The following NXPH1 variants were observed in gnomAD, a reference collection of about 807,000 sequenced individuals.
NXPH1 encodes the protein neurexophilin-1.
A neutral mutation model predicts 23.7 loss-of-function variants in NXPH1; 5 were observed. The ratio of observed to expected loss-of-function variants is 0.21; its 90% confidence interval spans 0.11 to 0.44. The LOEUF is 0.44. NXPH1 is among the 20% of genes least tolerant of loss of function. The pLI is 0.99. For synonymous variants in NXPH1, 144 were observed against 122.2 expected (o/e 1.18, Z -1.18); for missense variants, 324 against 321.6 (o/e 1.01, Z -0.06).
chr7:8,443,757 G>A (rs1816348047), intron 2 of NXPH1, among the ~76,000 whole-genome samples: 1 of 152,326 alleles, frequency 6.6e-6, no homozygotes, highest in East Asian at 1.9e-4. Flanking sequence ...GGTTAGGCTC[G>A]CCAGCGTGGG....
intron 2 of NXPH1, among the ~76,000 whole-genome samples, chr7:8,693,011 A>G (rs1056694129): frequency 3.3e-5 from 5 of 152,162 alleles, no homozygotes; most frequent in Non-Finnish European, 7.3e-5. Context: ...TTGATTAAAT[A>G]TTTAGAAGGA....
chr7:8,499,999 C>G (rs149695620), intron 2 of NXPH1, among the ~76,000 whole-genome samples: 1 of 152,216 alleles, frequency 6.6e-6, no homozygotes, highest in East Asian at 1.9e-4. Flanking sequence ...ATTCTGTGTA[C>G]TATAAAGCGA....
chr7:8,668,001 TG>T (rs1172658811), intron 2 of NXPH1, among the ~76,000 whole-genome samples: 2 of 152,042 alleles, frequency 1.3e-5, no homozygotes, highest in African/African-American at 4.8e-5. Context: ...TTGTTGTTGT[TG>T]TTGTTGTTTA....
intron 2 of NXPH1, among the ~76,000 whole-genome samples, chr7:8,695,302 C>T (rs1023264963): frequency 1.4e-4 from 21 of 152,090 alleles, no homozygotes; most frequent in Admixed American, 3.9e-4. Context: ...GCACAGGTGG[C>T]GAAACTGAGG....
rs545104088 is a variant in NXPH1 at position 8,655,835 on chromosome 7, TC to T, written c.55-95170del. On this transcript the variant is annotated intron_variant, in intron 2 of 2. Transcript: ENST00000405863. Reference sequence around the variant, plus strand: ...GGGAAATGTGACAAAGTTTTCAAGGTCCCTTTCATATATCAACTCCTCTGAA... The same window carrying T: ...GGGAAATGTGACAAAGTTTTCAAGGTCCTTTCATATATCAACTCCTCTGAA... 1.4e-3 allele frequency among the ~76,000 whole-genome samples: 220 copies of T among 152,274 alleles called. 3 individuals are homozygous for T. The highest frequency in any genetic ancestry group is 4.9e-3 in the African/African-American group (204 of 41,542).
chr7:8,670,246 G>T (rs1820848341), intron 2 of NXPH1, among the ~76,000 whole-genome samples: 1 of 152,088 alleles, frequency 6.6e-6, no homozygotes, highest in African/African-American at 2.4e-5. Context: ...TTGAGGTAGT[G>T]TCCTTTGCTT....
intron 2 of NXPH1, among the ~76,000 whole-genome samples, chr7:8,591,211 C>T (rs929223845): frequency 6.6e-6 from 1 of 151,998 alleles, no homozygotes; most frequent in Non-Finnish European, 1.5e-5. Context: ...GTGTTTTCTT[C>T]GACCCTCACA....
At chr7:8,504,662 G>T (rs577111405) in intron 2 of NXPH1, among the ~76,000 whole-genome samples, 19 of 152,164 alleles carry the variant, frequency 1.2e-4, no homozygotes, top group African/African-American at 3.4e-4. Context: ...GAATGTTTGT[G>T]TTGCAATCCT....
intron 2 of NXPH1, among the ~76,000 whole-genome samples, chr7:8,592,412 T>C (rs1255571354): frequency 1.3e-5 from 2 of 152,008 alleles, no homozygotes; most frequent in Non-Finnish European, 2.9e-5. Context: ...CATATTTCCA[T>C]TTTGTAGGGG....
chr7:8,582,081 C>T (rs1818887116), intron 2 of NXPH1, among the ~76,000 whole-genome samples: 1 of 152,184 alleles, frequency 6.6e-6, no homozygotes, highest in African/African-American at 2.4e-5. Context: ...CGGGCACCAG[C>T]ACAGGTGCTG....
At chr7:8,681,078 C>G (rs985741912) in intron 2 of NXPH1, among the ~76,000 whole-genome samples, 1 of 152,220 alleles carries the variant, frequency 6.6e-6, no homozygotes, top group African/African-American at 2.4e-5. Context: ...GTACAGTGCT[C>G]CTCTCCTAGA....
At chr7:8,443,329 C>G (rs545041018) in intron 2 of NXPH1, among the ~76,000 whole-genome samples, 3 of 152,262 alleles carry the variant, frequency 2.0e-5, no homozygotes, top group Non-Finnish European at 4.4e-5. Flanking sequence ...CATTCTTTCA[C>G]AGTTCATTAA....
At chr7:8,656,684 C>T (rs1177600004) in intron 2 of NXPH1, among the ~76,000 whole-genome samples, 1 of 151,702 alleles carries the variant, frequency 6.6e-6, no homozygotes, top group South Asian at 2.1e-4. Flanking sequence ...CCAATGCTAT[C>T]CCTCCCCGCT....
chr7:8,621,866 C>T (rs1200238856), intron 2 of NXPH1, among the ~76,000 whole-genome samples: 1 of 152,042 alleles, frequency 6.6e-6, no homozygotes, highest in African/African-American at 2.4e-5. Context: ...TTGTACCTAC[C>T]AACCAACCCT....
chr7:8,621,519 C>T (rs1196553391), intron 2 of NXPH1, among the ~76,000 whole-genome samples: 1 of 144,912 alleles, frequency 6.9e-6, no homozygotes, highest in Non-Finnish European at 1.5e-5. Flanking sequence ...TGAAGTTTCA[C>T]TCTTGTTGCC....
intron 2 of NXPH1, among the ~76,000 whole-genome samples, chr7:8,671,890 A>G (rs2115170179): frequency 6.6e-6 from 1 of 152,304 alleles, no homozygotes; most frequent in East Asian, 1.9e-4. Context: ...GGCTGTATAA[A>G]TGTCTTCTTT....
At chr7:8,726,214 T>C (rs942848300) in intron 2 of NXPH1, among the ~76,000 whole-genome samples, 10 of 152,098 alleles carry the variant, frequency 6.6e-5, no homozygotes, top group African/African-American at 2.4e-4. Context: ...TACAAATGTC[T>C]TACATATACT....
intron 2 of NXPH1, among the ~76,000 whole-genome samples, chr7:8,486,777 TTCTC>T (rs1235184248): frequency 2.0e-5 from 3 of 152,300 alleles, no homozygotes; most frequent in East Asian, 3.9e-4. Context: ...TGGTGTGCAG[TTCTC>T]TCTATCTGGA....
intron 2 of NXPH1, among the ~76,000 whole-genome samples, chr7:8,502,369 C>A (rs927133928): frequency 4.0e-5 from 6 of 151,700 alleles, no homozygotes; most frequent in African/African-American, 1.5e-4. Context: ...ATATTTATTT[C>A]TTTTTTTTCC....
Sources: allele counts gnomAD v4.1 joint callset (sites outside exome capture counted in the v4.1 genomes callset), GRCh38; gene constraint gnomAD v4.1.1; transcripts MANE v1.5; gene names NCBI Gene and HGNC (gene_info 2026-07-23, HGNC 2026-07-21).